Variants in FCHSD2 observed in about 807,000 individuals in gnomAD.
FCHSD2 encodes the protein F-BAR and double SH3 domains protein 2.
In FCHSD2, 38 loss-of-function variants were observed where a neutral mutation model predicts 108.1. The observed-to-expected ratio is 0.35, with a 90% CI of 0.27 to 0.46. The LOEUF is 0.46. Ranked by LOEUF, FCHSD2 falls within the 20% of genes least tolerant of loss-of-function variation. FCHSD2 has a pLI of 1.00. For missense variants in FCHSD2, 751 were observed against 897.8 expected (o/e 0.84, Z 2.09); for synonymous variants, 279 against 314.7 (o/e 0.89, Z 1.20).
intron 3 of FCHSD2, among the ~76,000 whole-genome samples, chr11:73,035,519 A>G: frequency 6.6e-6 from 1 of 152,098 alleles, no homozygotes; most frequent in East Asian, 1.9e-4. Context: ...AAAGATAGTT[A>G]TAGTACCTAC....
rs557621100 is a variant in FCHSD2, at chr11:73,140,182, A to C, written c.22-54T>G. ...CTTTTTACAAATTTAACCCAAAAAA[A>C]TTGCTTCAGGAAAATACATCTGTCA... On this transcript the variant is annotated intron_variant, in intron 1 of 19. Transcript: ENST00000409418. 51 of 1,052,848 alleles carry C rather than the reference A, an allele frequency of 4.8e-5. No homozygotes were observed. In the African/African-American group the frequency reaches 7.7e-4, roughly 16 times the overall value. The allele number at this position is 1,052,848 out of a possible 1,614,324, so 65.2% of individuals were successfully genotyped here.
intron 2 of FCHSD2, among the ~76,000 whole-genome samples, chr11:73,110,156 T>C (rs1471509446): frequency 1.4e-5 from 2 of 147,798 alleles, no homozygotes; most frequent in South Asian, 4.2e-4. Context: ...TCTTCTTTTT[T>C]TTTTTGATGT....
At chr11:72,847,957 G>T (rs1861190111) in intron 14 of FCHSD2, among the ~76,000 whole-genome samples, 1 of 152,174 alleles carries the variant, frequency 6.6e-6, no homozygotes, top group Non-Finnish European at 1.5e-5. Flanking sequence ...TTCCCAAAAT[G>T]TTGGGATTAC....
intron 3 of FCHSD2, among the ~76,000 whole-genome samples, chr11:73,062,996 C>T (rs1859203873): frequency 6.6e-6 from 1 of 152,106 alleles, no homozygotes; most frequent in Non-Finnish European, 1.5e-5. Flanking sequence ...TCAGATTCAC[C>T]AAGGCTGAAA....
chr11:72,913,196 T>C (rs1442382096), intron 9 of FCHSD2, among the ~76,000 whole-genome samples: 2 of 152,190 alleles, frequency 1.3e-5, no homozygotes, highest in Non-Finnish European at 2.9e-5. Context: ...GGGATTATTA[T>C]AATTTGATGA....
At chr11:73,137,363 ATC>A (rs1861143589) in intron 2 of FCHSD2, among the ~76,000 whole-genome samples, 1 of 152,192 alleles carries the variant, frequency 6.6e-6, no homozygotes, top group African/African-American at 2.4e-5. Flanking sequence ...AGCACCAACA[ATC>A]TCTGTCTTTA....
intron 8 of FCHSD2, among the ~76,000 whole-genome samples, chr11:72,976,042 C>T (rs1056955980): frequency 3.9e-5 from 6 of 152,188 alleles, no homozygotes; most frequent in Non-Finnish European, 8.8e-5. Context: ...AACAAATTAT[C>T]TCACCACAAA....
chr11:73,048,019 T>C (rs2135471972), intron 3 of FCHSD2, among the ~76,000 whole-genome samples: 1 of 152,230 alleles, frequency 6.6e-6, no homozygotes, highest in South Asian at 2.1e-4. Flanking sequence ...TATTGTTTCT[T>C]TAAGTAGTAC....
At chr11:72,952,420 G>T (rs1328305465) in intron 8 of FCHSD2, among the ~76,000 whole-genome samples, 8 of 152,080 alleles carry the variant, frequency 5.3e-5, no homozygotes, top group Admixed American at 5.2e-4. Flanking sequence ...CGCCTCCCGG[G>T]TTCAAGTGAT....
At chr11:72,940,345 T>C (rs1419782989) in intron 8 of FCHSD2, among the ~76,000 whole-genome samples, 1 of 152,252 alleles carries the variant, frequency 6.6e-6, no homozygotes, top group East Asian at 1.9e-4. Context: ...CAGGTTTAAT[T>C]AGAAACATGC....
intron 13 of FCHSD2, among the ~76,000 whole-genome samples, chr11:72,851,890 T>G (rs1861298756): frequency 6.6e-6 from 1 of 151,462 alleles, no homozygotes; most frequent in South Asian, 2.1e-4. Context: ...TTTTTTTTTT[T>G]TTTTGAGATA....
At chr11:73,049,651 A>T (rs12788845) in intron 3 of FCHSD2, among the ~76,000 whole-genome samples, 10,753 of 149,796 alleles carry the variant, frequency 0.072, 542 homozygotes, top group Middle Eastern at 0.12. Context: ...AACCTGCACA[A>T]TGTGCACATG....
At chr11:72,877,034 C>T (rs552752346) in intron 12 of FCHSD2, among the ~76,000 whole-genome samples, 26 of 151,416 alleles carry the variant, frequency 1.7e-4, no homozygotes, top group Admixed American at 4.0e-4. Context: ...TGCAGTGGTA[C>T]GATCACGGCT....
At chr11:72,923,483 T>G (rs1856013554) in intron 8 of FCHSD2, among the ~76,000 whole-genome samples, 1 of 152,228 alleles carries the variant, frequency 6.6e-6, no homozygotes, top group Non-Finnish European at 1.5e-5. Flanking sequence ...TGGTATTTTT[T>G]TTTTAAATTA....
intron 8 of FCHSD2, among the ~76,000 whole-genome samples, chr11:72,959,853 GGTGTGT>G (rs58451717): frequency 7.5e-5 from 11 of 145,892 alleles, no homozygotes; most frequent in African/African-American, 2.0e-4. Flanking sequence ...AAGTTTCTAG[GGTGTGT>G]GTGTGTGTGT....
intron 12 of FCHSD2, among the ~76,000 whole-genome samples, chr11:72,886,839 C>A (rs934382164): frequency 3.3e-5 from 5 of 152,082 alleles, no homozygotes; most frequent in African/African-American, 1.2e-4. Context: ...GAGTATTAGC[C>A]TCAGGCATAA....
intron 13 of FCHSD2, among the ~76,000 whole-genome samples, chr11:72,855,133 T>A (rs935632956): frequency 2.6e-5 from 4 of 152,018 alleles, no homozygotes; most frequent in African/African-American, 9.7e-5. Context: ...ATTAGCCGGG[T>A]GTGGTGGCGC....
intron 3 of FCHSD2, among the ~76,000 whole-genome samples, chr11:73,016,265 A>C (rs973033673): frequency 1.3e-5 from 2 of 151,370 alleles, no homozygotes; most frequent in Admixed American, 1.3e-4. Flanking sequence ...ACTGGGCCTC[A>C]GCACTCCAGC....
chr11:72,983,779 T>C, intron 8 of FCHSD2: 1 of 475,640 alleles, frequency 2.1e-6, no homozygotes, highest in Non-Finnish European at 4.1e-6. Flanking sequence ...CCAGTTTGAG[T>C]CATTATTTTA....
Sources: gnomAD v4.1 joint callset for allele counts (sites outside exome capture counted in the v4.1 genomes callset) on GRCh38, gnomAD v4.1.1 for gene constraint, MANE v1.5 for transcripts, NCBI Gene and HGNC (gene_info 2026-07-23, HGNC 2026-07-21) for gene names.